The following KLHDC10 variants were observed in gnomAD, a reference collection of about 807,000 sequenced individuals.
The protein encoded by KLHDC10 is kelch domain-containing protein 10.
In KLHDC10, 24 loss-of-function variants were observed where a neutral mutation model predicts 56.1. That is an observed-to-expected ratio of 0.43 (90% CI 0.31 to 0.60). The LOEUF is 0.60. Among genes scored for constraint, KLHDC10 ranks in the 20% least tolerant of loss-of-function variants. The pLI, the probability that KLHDC10 is intolerant of heterozygous loss-of-function variation, is 0.11. For synonymous variants in KLHDC10, 188 were observed against 207.1 expected, an observed-to-expected ratio of 0.91 and a Z score of 0.79; for missense variants, 349 against 567.0, an observed-to-expected ratio of 0.62 and a Z score of 3.91.
intron 4 of KLHDC10, 112 bp downstream of exon 4, chr7:130,121,015 G>A: frequency 9.2e-7 from 1 of 1,089,020 alleles, no homozygotes; most frequent in South Asian, 1.6e-5. Context: ...AGAGTTCTTT[G>A]TGGTTAGTAC....
intron 3 of KLHDC10, among the ~76,000 whole-genome samples, chr7:130,118,384 C>G (rs997592232): frequency 1.3e-5 from 2 of 152,136 alleles, no homozygotes; most frequent in African/African-American, 4.8e-5. Flanking sequence ...TACCTCTCCC[C>G]ACCTTTATAG....
At position 130,133,305 on chromosome 7, in the gene KLHDC10, A is replaced by G. The variant is rs1796425465; in HGVS notation, c.*2559A>G. 6.6e-6 allele frequency: 1 copy of G among 152,216 alleles called. No individual in the cohort carries two copies. The highest frequency in any genetic ancestry group is 2.4e-5 in the African/African-American group (1 of 41,456). 9.4% of individuals were successfully genotyped at this position (152,216 alleles called of 1,614,324 possible). ...CCTGACACTGTTTACTTGATTTAGG[A>G]AAGTTTATGCCTGCTGCTTCTCTGC... is the stretch of plus-strand genomic sequence containing the variant. On this transcript the variant is annotated 3_prime_UTR_variant, in exon 10 of 10. Transcript: ENST00000335420.
intron 2 of KLHDC10, among the ~76,000 whole-genome samples, chr7:130,097,221 G>A (rs924288991): frequency 1.3e-5 from 2 of 152,142 alleles, no homozygotes; most frequent in African/African-American, 4.8e-5. Context: ...GAATCACTTA[G>A]TGTATTATTA....
At chr7:130,123,395 G>A (rs1230537690) in intron 5 of KLHDC10, among the ~76,000 whole-genome samples, 4 of 151,848 alleles carry the variant, frequency 2.6e-5, no homozygotes, top group African/African-American at 4.8e-5. Context: ...GCTTGAACCC[G>A]GGAGGCAGAG....
chr7:130,121,747 C>T (rs780293782), intron 4 of KLHDC10, among the ~76,000 whole-genome samples: 1 of 152,220 alleles, frequency 6.6e-6, no homozygotes, highest in African/African-American at 2.4e-5. Flanking sequence ...AGAGAAGCAG[C>T]TTTCAATGGA....
chr7:130,098,240 C>T (rs1795878850), intron 2 of KLHDC10, among the ~76,000 whole-genome samples: 1 of 152,140 alleles, frequency 6.6e-6, no homozygotes, highest in South Asian at 2.1e-4. Context: ...TACCTGTAAT[C>T]CCAGCTCTTT....
At chr7:130,074,452 A>G (rs1241955743) in intron 1 of KLHDC10, among the ~76,000 whole-genome samples, 45 of 152,180 alleles carry the variant, frequency 3.0e-4, no homozygotes, top group Admixed American at 2.9e-3. Context: ...ACATATACAC[A>G]CATATGCGTA....
chr7:130,128,761 C>T (rs1195431734), intron 8 of KLHDC10, among the ~76,000 whole-genome samples: 1 of 149,528 alleles, frequency 6.7e-6, no homozygotes, highest in African/African-American at 2.5e-5. Flanking sequence ...TTTTTGAGGC[C>T]AGGCATGGTG....
chr7:130,082,084 G>A (rs62491313), intron 1 of KLHDC10, among the ~76,000 whole-genome samples: 8,180 of 152,190 alleles, frequency 0.054, 265 homozygotes, highest in South Asian at 0.13. Flanking sequence ...AGGCCGAGGC[G>A]GGCAAAAAGC....
At chr7:130,129,193 A>T (rs937287724) in intron 8 of KLHDC10, among the ~76,000 whole-genome samples, 1 of 152,030 alleles carries the variant, frequency 6.6e-6, no homozygotes, top group African/African-American at 2.4e-5. Context: ...GAATTTGGTA[A>T]CTTTGACATG....
chr7:130,123,471 G>GA (rs11332293), intron 5 of KLHDC10, among the ~76,000 whole-genome samples: 166 of 120,194 alleles, frequency 1.4e-3, no homozygotes, highest in Admixed American at 1.9e-3. Context: ...CTCCGTCTCA[G>GA]AAAAAAAAAA....
chr7:130,093,986 C>T (rs1414627009), intron 1 of KLHDC10, among the ~76,000 whole-genome samples: 2 of 152,094 alleles, frequency 1.3e-5, no homozygotes, highest in African/African-American at 4.8e-5. Flanking sequence ...TTCAGTGGCA[C>T]GATCTCGGCT....
intron 1 of KLHDC10, among the ~76,000 whole-genome samples, chr7:130,095,710 A>G (rs968156365): frequency 2.0e-5 from 3 of 152,206 alleles, no homozygotes; most frequent in Non-Finnish European, 4.4e-5. Context: ...GCTAATGGAC[A>G]TCTGAATATA....
chr7:130,125,548 A>AT (rs925100517), intron 6 of KLHDC10, among the ~76,000 whole-genome samples: 6 of 151,642 alleles, frequency 4.0e-5, no homozygotes, highest in South Asian at 2.1e-4. Flanking sequence ...ATCTCAAAAA[A>AT]ATATAAAATA....
In KLHDC10 at chr7:130,132,104, C is replaced by G. The variant is rs1796409301; in HGVS notation, c.*1358C>G. On this transcript the variant is annotated 3_prime_UTR_variant, in exon 10 of 10. Coordinates refer to ENST00000335420, the MANE Select transcript of KLHDC10 (RefSeq NM_014997.4). ...CTAAAAAGAATGACATAAATTTTCA[C>G]TCGCTTTGCCATCTGGCTGCTAGGG... The G allele has an allele frequency of 2.0e-5, 3 of 151,862 alleles. No homozygotes were observed. The South Asian group carries it at 6.2e-4, about 32-fold the overall frequency. The allele number at this position is 151,862 out of a possible 1,614,324, so 9.4% of individuals were successfully genotyped here. A position where few individuals can be genotyped will look rare whatever the true frequency, so the allele number is the denominator to read the frequency against.
rs539761681 is a variant in KLHDC10, at chr7:130,088,254, G to A, written c.167-8667G>A. On this transcript the variant is annotated intron_variant, in intron 1 of 9. Coordinates refer to ENST00000335420, the MANE Select transcript of KLHDC10 (RefSeq NM_014997.4). ...AATGACCTGAGAGAAGGGAAAGTGAGTTCATAAATAAAAGTTGTGTCTTCA... is the reference window on the plus strand; with the variant it reads ...AATGACCTGAGAGAAGGGAAAGTGAATTCATAAATAAAAGTTGTGTCTTCA... 1.8e-4 allele frequency among the ~76,000 whole-genome samples: 28 copies of A among 151,768 alleles called. No homozygotes were observed. In the East Asian group the frequency reaches 5.2e-3, roughly 28 times the overall value.
chr7:130,113,403 A>T (rs1796127032), intron 2 of KLHDC10, among the ~76,000 whole-genome samples: 2 of 149,644 alleles, frequency 1.3e-5, no homozygotes, highest in South Asian at 4.2e-4. Context: ...CACGATCTTG[A>T]CTCACTGCAA....
intron 2 of KLHDC10, among the ~76,000 whole-genome samples, chr7:130,102,090 G>A (rs1795938950): frequency 1.3e-5 from 2 of 151,800 alleles, no homozygotes; most frequent in Admixed American, 1.3e-4. Flanking sequence ...AAGAAGAGGA[G>A]CTCTATCAAG....
chr7:130,130,541 G>T lies in KLHDC10; in HGVS notation c.1124G>T (p.Gly375Val). ...TCCTCTTTTGACTACTCATAGGCTG[G>T]TTGCATGTACATTCATGGAGGAGTG... ...YFHCAAVTPA[G>V]CMYIHGGVVN... Residue 375 changes from glycine (G) to valine (V), a missense_variant, in exon 10 of 10, where the codon GGT (glycine) becomes GTT (valine). By Grantham distance (109) the Gly-to-Val change is moderately radical (BLOSUM62 -3). Transcript: ENST00000335420. The surrounding 1 kb of genome is among the most constrained non-coding windows in gnomAD (Gnocchi z 4.2). The T allele has an allele frequency of 6.2e-7, 1 of 1,613,666 alleles. No individual in the cohort carries two copies. The highest frequency in any genetic ancestry group is 8.5e-7 in the Non-Finnish European group (1 of 1,179,776).
Sources: gnomAD v4.1 joint callset for allele counts (sites outside exome capture counted in the v4.1 genomes callset) on GRCh38, gnomAD v4.1.1 for gene constraint, Gnocchi (gnomAD v3.1) non-coding constraint, MANE v1.5 for transcripts, NCBI Gene and HGNC (gene_info 2026-07-23, HGNC 2026-07-21) for gene names.